LHFPL3: variants seen among roughly 807,000 people sequenced by gnomAD.
The protein encoded by LHFPL3 is LHFPL tetraspan subfamily member 3.
A neutral mutation model predicts 19.3 loss-of-function variants in LHFPL3; 5 were observed. The observed-to-expected ratio is 0.26, with a 90% CI of 0.14 to 0.54. The LOEUF is 0.54. LHFPL3 is among the 20% of genes least tolerant of loss of function. LHFPL3 has a pLI of 0.94. For synonymous variants in LHFPL3, 133 were observed against 126.2 expected, an observed-to-expected ratio of 1.05 and a Z score of -0.36; for missense variants, 249 against 307.4, an observed-to-expected ratio of 0.81 and a Z score of 1.42.
At chr7:104,720,149 T>G (rs1793459927) in intron 1 of LHFPL3, among the ~76,000 whole-genome samples, 1 of 151,826 alleles carries the variant, frequency 6.6e-6, no homozygotes, top group South Asian at 2.1e-4. Flanking sequence ...CAGGCCTGCC[T>G]TCTACAGTAA....
At chr7:104,610,011 G>A (rs139025847) in intron 1 of LHFPL3, among the ~76,000 whole-genome samples, 61 of 152,124 alleles carry the variant, frequency 4.0e-4, no homozygotes, top group East Asian at 1.7e-3. Flanking sequence ...AGACATCAAC[G>A]TGTTGCCTTA....
rs1055357094 is a variant in LHFPL3 at position 104,463,595 on chromosome 7, C to T, written c.445+134371C>T. Among the ~76,000 whole-genome samples, 6 of 152,154 alleles carry T rather than the reference C, an allele frequency of 3.9e-5. 1 individual carries two copies. The highest frequency in any genetic ancestry group is 5.9e-5 in the Non-Finnish European group (4 of 68,040). On this transcript the variant is annotated intron_variant, in intron 1 of 2. Transcript: ENST00000424859. ...GGCTAGAGAGGCCTCAGGAAACTTA[C>T]AGTCATGGCAGAAGGGGAAGCAAAC... is the stretch of plus-strand genomic sequence containing the variant.
intron 2 of LHFPL3, among the ~76,000 whole-genome samples, chr7:104,892,151 T>G (rs1792256660): frequency 1.3e-5 from 2 of 152,178 alleles, no homozygotes; most frequent in South Asian, 2.1e-4. Context: ...TATGTGAAGG[T>G]GCTAAAAGGA....
intron 1 of LHFPL3, among the ~76,000 whole-genome samples, chr7:104,357,749 T>C (rs1790307138): frequency 6.7e-6 from 1 of 148,386 alleles, no homozygotes; most frequent in Non-Finnish European, 1.5e-5. Context: ...CAGGTGGAAT[T>C]TCTCCTCTTC....
At chr7:104,679,986 T>G (rs755756710) in intron 1 of LHFPL3, among the ~76,000 whole-genome samples, 2 of 152,292 alleles carry the variant, frequency 1.3e-5, no homozygotes, top group Non-Finnish European at 2.9e-5. Context: ...GGTTCAAATT[T>G]TTATCTCTCA....
At chr7:104,686,545 A>G (rs1222897205) in intron 1 of LHFPL3, among the ~76,000 whole-genome samples, 1 of 152,068 alleles carries the variant, frequency 6.6e-6, no homozygotes, top group East Asian at 1.9e-4. Context: ...CACACCAAGT[A>G]ATTCTCTGGT....
chr7:104,840,740 C>T (rs1388609577), intron 2 of LHFPL3, among the ~76,000 whole-genome samples: 3 of 151,880 alleles, frequency 2.0e-5, no homozygotes, highest in Admixed American at 6.6e-5. Flanking sequence ...CTACTACTAC[C>T]TAGGAAGTGG....
intron 1 of LHFPL3, among the ~76,000 whole-genome samples, chr7:104,423,295 T>C (rs1562892780): frequency 6.6e-6 from 1 of 152,148 alleles, no homozygotes; most frequent in Admixed American, 6.6e-5. Context: ...GTCATCCAAC[T>C]TGGTCTGGCC....
intron 1 of LHFPL3, among the ~76,000 whole-genome samples, chr7:104,682,964 A>T (rs2116098232): frequency 6.6e-6 from 1 of 152,320 alleles, no homozygotes; most frequent in Admixed American, 6.5e-5. Flanking sequence ...GCAAAAGTAG[A>T]ATTACACTGG....
chr7:104,542,012 G>C (rs1450207535), intron 1 of LHFPL3, among the ~76,000 whole-genome samples: 1 of 152,004 alleles, frequency 6.6e-6, no homozygotes, highest in Admixed American at 6.6e-5. Flanking sequence ...CAGGAGAGGA[G>C]GGTATTTGAA....
chr7:104,810,832 C>T (rs1790451659), intron 2 of LHFPL3, among the ~76,000 whole-genome samples: 1 of 152,192 alleles, frequency 6.6e-6, no homozygotes, highest in Admixed American at 6.5e-5. Flanking sequence ...AAGAGAAATC[C>T]TTGACCAAAT....
intron 2 of LHFPL3, among the ~76,000 whole-genome samples, chr7:104,840,325 T>TTC (rs398005691): frequency 6.8e-6 from 1 of 148,038 alleles, no homozygotes; most frequent in African/African-American, 2.5e-5. Context: ...TTTTTTTTTT[T>TTC]CTCCTTTTGA....
At chr7:104,539,525 A>G (rs1300407522) in intron 1 of LHFPL3, among the ~76,000 whole-genome samples, 1 of 152,202 alleles carries the variant, frequency 6.6e-6, no homozygotes, top group Non-Finnish European at 1.5e-5. Context: ...ATTTCCAGGC[A>G]GAAATGGGTG....
At chr7:104,472,194 A>G (rs1584343756) in intron 1 of LHFPL3, among the ~76,000 whole-genome samples, 1 of 148,876 alleles carries the variant, frequency 6.7e-6, no homozygotes, top group East Asian at 2.0e-4. Flanking sequence ...AAAAAAAATC[A>G]CTACTCAAGG....
At chr7:104,690,729 A>G (rs1489734832) in intron 1 of LHFPL3, among the ~76,000 whole-genome samples, 1 of 152,240 alleles carries the variant, frequency 6.6e-6, no homozygotes, top group Non-Finnish European at 1.5e-5. Context: ...CATAATGCCT[A>G]AGGGCCTATT....
intron 1 of LHFPL3, among the ~76,000 whole-genome samples, chr7:104,642,985 A>C (rs1010900512): frequency 2.6e-5 from 4 of 152,210 alleles, no homozygotes; most frequent in South Asian, 2.1e-4. Flanking sequence ...CCTTCTTTTT[A>C]GTCTAACTTT....
chr7:104,595,867 C>G lies in LHFPL3; in HGVS notation c.446-140808C>G, dbSNP rs185024975. Among the ~76,000 whole-genome samples, 234 of 152,352 alleles carry G rather than the reference C, an allele frequency of 1.5e-3. 2 individuals are homozygous for G. Among genetic ancestry groups the G allele is most frequent in the Middle Eastern group, 6.8e-3 (2 of 294 alleles). On this transcript the variant is annotated intron_variant, in intron 1 of 2. Transcript: ENST00000424859. ...CTCCATGGGCATGGGCACTGCTGAG[C>G]CAGGCATGGGAGAGAATCACCTTGT...
chr7:104,605,130 C>G (rs964139311), intron 1 of LHFPL3, among the ~76,000 whole-genome samples: 1 of 152,272 alleles, frequency 6.6e-6, no homozygotes, highest in East Asian at 1.9e-4. Context: ...AGTCTAAACA[C>G]AACAAATGTA....
chr7:104,495,696 G>A (rs1473391359), intron 1 of LHFPL3, among the ~76,000 whole-genome samples: 1 of 152,004 alleles, frequency 6.6e-6, no homozygotes, highest in Non-Finnish European at 1.5e-5. Flanking sequence ...AAATTTTTTT[G>A]TAGAGACTGG....
Sources: allele counts gnomAD v4.1 joint callset (sites outside exome capture counted in the v4.1 genomes callset), GRCh38; gene constraint gnomAD v4.1.1; transcripts MANE v1.5; gene names NCBI Gene and HGNC (gene_info 2026-07-23, HGNC 2026-07-21).